Variants in VGLL4 observed in about 807,000 individuals in gnomAD.
VGLL4 encodes the protein transcription cofactor vestigial-like protein 4.
VGLL4 carries 7 observed loss-of-function variants against 21.0 expected under a neutral mutation model. The observed-to-expected ratio is 0.33, with a 90% CI of 0.19 to 0.63. VGLL4 has a LOEUF of 0.63. Among genes scored for constraint, VGLL4 ranks in the 20% least tolerant of loss-of-function variants. The pLI is 0.78. For synonymous variants in VGLL4, 222 were observed against 173.2 expected, an observed-to-expected ratio of 1.28 and a Z score of -2.21; for missense variants, 394 against 425.7, an observed-to-expected ratio of 0.93 and a Z score of 0.66.
At chr3:11,675,796 T>C (rs2076281045) in intron 2 of VGLL4, among the ~76,000 whole-genome samples, 1 of 152,208 alleles carries the variant, frequency 6.6e-6, no homozygotes, top group African/African-American at 2.4e-5. Context: ...TTATACCCAA[T>C]AGAGTTGAAA....
intron 2 of VGLL4, among the ~76,000 whole-genome samples, chr3:11,692,689 G>A (rs1159779198): frequency 6.8e-6 from 1 of 146,858 alleles, no homozygotes; most frequent in Non-Finnish European, 1.5e-5. Flanking sequence ...AATTCAGTGC[G>A]CCAGCACCAA....
Position 11,558,703 on chromosome 3 carries a change from G to C in VGLL4, c.744C>G (p.Ala248=), listed in dbSNP as rs2072667883. The change falls in exon 5 of 5, where the codon GCC becomes GCG. Residue 248 remains alanine, a synonymous_variant. Coordinates refer to ENST00000430365, the MANE Select transcript of VGLL4 (RefSeq NM_001128219.3). ...SITGSVDDHF[A]KALGDTWLQI... Reference sequence around the variant, plus strand: ...GGAGCCACGTGTCACCCAGAGCTTTGGCAAAGTGGTCGTCCACGGAGCCCG... The same window carrying C: ...GGAGCCACGTGTCACCCAGAGCTTTCGCAAAGTGGTCGTCCACGGAGCCCG... 1.2e-6 allele frequency: 2 copies of C among 1,613,918 alleles called. No individual in the cohort carries two copies. Among genetic ancestry groups the C allele is most frequent in the Non-Finnish European group, 1.7e-6 (2 of 1,180,040 alleles).
At chr3:11,691,983 GAAAAAAA>G (rs36035876) in intron 2 of VGLL4, among the ~76,000 whole-genome samples, 1 of 105,696 alleles carries the variant, frequency 9.5e-6, no homozygotes, top group African/African-American at 4.1e-5. Flanking sequence ...TGCACCAAAT[GAAAAAAA>G]AAAAAAAAAA....
chr3:11,575,246 T>C (rs1192099926), intron 2 of VGLL4, among the ~76,000 whole-genome samples: 1 of 152,180 alleles, frequency 6.6e-6, no homozygotes, highest in Non-Finnish European at 1.5e-5. Context: ...CCGCACTGAG[T>C]GCTGTCAGAG....
intron 2 of VGLL4, among the ~76,000 whole-genome samples, chr3:11,699,990 T>C (rs2125402145): frequency 6.6e-6 from 1 of 152,312 alleles, no homozygotes; most frequent in Admixed American, 6.5e-5. Flanking sequence ...CGAAAACAGC[T>C]CTCCCAAACC....
intron 1 of VGLL4, among the ~76,000 whole-genome samples, chr3:11,623,700 T>C (rs972981534): frequency 6.6e-6 from 1 of 152,080 alleles, no homozygotes; most frequent in Non-Finnish European, 1.5e-5. Flanking sequence ...AGCTCATATG[T>C]AAAGCAAAAG....
chr3:11,627,848 A>G (rs2616548), intron 1 of VGLL4, among the ~76,000 whole-genome samples: 34,895 of 152,140 alleles, frequency 0.23, 5,741 homozygotes, highest in African/African-American at 0.46. Context: ...ACACATTGAA[A>G]GAGGACAAAG....
rs528197483 is a variant in VGLL4 at position 11,612,419 on chromosome 3, G to T, written c.83-10397C>A. Among the ~76,000 whole-genome samples the T allele has an allele frequency of 1.4e-3, 219 of 152,282 alleles. 5 individuals are homozygous for T. The South Asian group carries it at 0.044, about 31-fold the overall frequency. On this transcript the variant is annotated intron_variant, in intron 1 of 4. Coordinates refer to ENST00000430365, the MANE Select transcript of VGLL4 (RefSeq NM_001128219.3). Reference sequence around the variant, plus strand: ...TCATTTTGGCTTGAAGAAAACTCAGGTATGTAACACAACACAAACAGCCTG... The same window carrying T: ...TCATTTTGGCTTGAAGAAAACTCAGTTATGTAACACAACACAAACAGCCTG...
At chr3:11,621,291 C>T (rs547846435) in intron 1 of VGLL4, among the ~76,000 whole-genome samples, 1 of 152,244 alleles carries the variant, frequency 6.6e-6, no homozygotes, top group East Asian at 1.9e-4. Flanking sequence ...TTTCTTCACC[C>T]CGAAAAGAAA....
At chr3:11,589,350 A>T (rs1024070665) in intron 2 of VGLL4, among the ~76,000 whole-genome samples, 1 of 152,148 alleles carries the variant, frequency 6.6e-6, no homozygotes, top group African/African-American at 2.4e-5. Context: ...AAGTTTCCTC[A>T]ATTTCTCTGG....
intron 2 of VGLL4, among the ~76,000 whole-genome samples, chr3:11,695,200 C>A (rs974229629): frequency 6.6e-6 from 1 of 152,024 alleles, no homozygotes; most frequent in Non-Finnish European, 1.5e-5. Flanking sequence ...CAGGCGCCTG[C>A]CACCACAGCT....
chr3:11,681,073 A>T (rs556804916), intron 2 of VGLL4, among the ~76,000 whole-genome samples: 1 of 151,952 alleles, frequency 6.6e-6, no homozygotes, highest in African/African-American at 2.4e-5. Flanking sequence ...TTCTAAATAC[A>T]TTCCAAATCA....
At chr3:11,678,515 T>C (rs1375128467) in intron 2 of VGLL4, among the ~76,000 whole-genome samples, 1 of 152,230 alleles carries the variant, frequency 6.6e-6, no homozygotes, top group African/African-American at 2.4e-5. Flanking sequence ...TTCCTTTCCT[T>C]TAAAGTGGCT....
intron 2 of VGLL4, among the ~76,000 whole-genome samples, chr3:11,656,947 A>T (rs1293592900): frequency 6.6e-6 from 1 of 152,110 alleles, no homozygotes; most frequent in Non-Finnish European, 1.5e-5. Flanking sequence ...CTGTCCTAAG[A>T]GCGTCTGCAG....
intron 1 of VGLL4, among the ~76,000 whole-genome samples, chr3:11,711,664 C>A (rs1173684136): frequency 6.6e-6 from 1 of 152,106 alleles, no homozygotes; most frequent in Non-Finnish European, 1.5e-5. Flanking sequence ...CTGCAATGAG[C>A]TGAGATCACG....
chr3:11,623,434 C>T (rs2075301022), intron 1 of VGLL4, among the ~76,000 whole-genome samples: 1 of 152,150 alleles, frequency 6.6e-6, no homozygotes, highest in Non-Finnish European at 1.5e-5. Flanking sequence ...TGGGCCTCTA[C>T]ACACATGGGT....
At chr3:11,683,887 A>G (rs2076410122) in intron 2 of VGLL4, among the ~76,000 whole-genome samples, 1 of 152,116 alleles carries the variant, frequency 6.6e-6, no homozygotes, top group Admixed American at 6.6e-5. Flanking sequence ...TAAAGGTTTT[A>G]CTTTTTAACT....
At chr3:11,702,271 G>GAA (rs2076690826) in intron 2 of VGLL4, among the ~76,000 whole-genome samples, 1 of 151,994 alleles carries the variant, frequency 6.6e-6, no homozygotes, top group Non-Finnish European at 1.5e-5. Context: ...GAGAAGGAAA[G>GAA]AACGACCTAC....
chr3:11,559,611 C>T (rs1409858342), intron 3 of VGLL4, among the ~76,000 whole-genome samples, 156 bp from the exon 4 acceptor site: 1 of 152,250 alleles, frequency 6.6e-6, no homozygotes, highest in Non-Finnish European at 1.5e-5. Context: ...TTGCTAAACA[C>T]AGCCAATCCA....
Sources: allele counts gnomAD v4.1 joint callset (sites outside exome capture counted in the v4.1 genomes callset), GRCh38; gene constraint gnomAD v4.1.1; transcripts MANE v1.5; gene names NCBI Gene and HGNC (gene_info 2026-07-23, HGNC 2026-07-21).